C10orf90: variants seen among roughly 807,000 people sequenced by gnomAD.
C10orf90 encodes chromosome 10 open reading frame 90, also known as (E2-independent) E3 ubiquitin-conjugating enzyme FATS.
A neutral mutation model predicts 62.5 loss-of-function variants in C10orf90; 56 were observed. That is an observed-to-expected ratio of 0.90 (90% confidence interval 0.72 to 1.12). The LOEUF (loss-of-function observed/expected upper bound fraction) is 1.12, where lower values mean the gene tolerates loss of function less well. Ranked by LOEUF, C10orf90 falls within the 50% of genes most tolerant of loss-of-function variation. C10orf90 has a pLI of 0.00. For missense variants in C10orf90, 970 were observed against 880.4 expected (o/e 1.10, Z -1.29); for synonymous variants, 386 against 340.4 (o/e 1.13, Z -1.47).
rs186552141 is a variant in C10orf90, at chr10:126,641,754, T to C, written c.313+4811A>G. On this transcript the variant is annotated intron_variant, in intron 2 of 9. Coordinates refer to ENST00000488181, the MANE Select transcript of C10orf90 (RefSeq NM_001350921.2). ...CTCTCTCTGATTTTAAAAGCAGATG[T>C]GAGTTTGGACAGAATAGTCACCCTT... is the stretch of plus-strand genomic sequence containing the variant. 2.4e-3 allele frequency among the ~76,000 whole-genome samples: 368 copies of C among 152,234 alleles called. 1 individual carries two copies. The highest frequency in any genetic ancestry group is 8.3e-3 in the African/African-American group (343 of 41,520).
chr10:126,552,074 A>G (rs1395412420), intron 2 of C10orf90, among the ~76,000 whole-genome samples: 1 of 152,200 alleles, frequency 6.6e-6, no homozygotes, highest in Non-Finnish European at 1.5e-5. Flanking sequence ...GGGGTGGAGA[A>G]ACTTGGGGTA....
intron 9 of C10orf90, 22 bp from the exon 10 acceptor site, chr10:126,425,924 G>A (rs1314480686): frequency 7.4e-6 from 12 of 1,614,130 alleles, no homozygotes; most frequent in Non-Finnish European, 1.0e-5. Flanking sequence ...GGGAAACAAA[G>A]ATGTCAAGTT....
intron 2 of C10orf90, among the ~76,000 whole-genome samples, chr10:126,626,929 A>G (rs947514228): frequency 1.3e-5 from 2 of 152,180 alleles, no homozygotes; most frequent in Admixed American, 1.3e-4. Context: ...GCTAAATTCA[A>G]AGAGGGCTCA....
At position 126,600,036 on chromosome 10, in the gene C10orf90, G is replaced by A. The variant is rs11245058; in HGVS notation, c.313+46529C>T. ...TTGGCCACTGTAGTCCAATTATTTCGATTAAAGCAGAGAGGGCTCAGTTAA... is the reference window on the plus strand; with the variant it reads ...TTGGCCACTGTAGTCCAATTATTTCAATTAAAGCAGAGAGGGCTCAGTTAA... On this transcript the variant is annotated intron_variant, in intron 2 of 9. Transcript: ENST00000488181. Among the ~76,000 whole-genome samples the A allele has an allele frequency of 5.9e-5, 9 of 152,328 alleles. No individual in the cohort carries two copies. In the East Asian group the frequency reaches 1.2e-3, roughly 20 times the overall value.
At chr10:126,588,638 C>A (rs943514485) in intron 2 of C10orf90, among the ~76,000 whole-genome samples, 1 of 151,960 alleles carries the variant, frequency 6.6e-6, no homozygotes, top group African/African-American at 2.4e-5. Context: ...CAAAACAAAA[C>A]AAAAAACAGA....
intron 2 of C10orf90, among the ~76,000 whole-genome samples, chr10:126,565,308 T>C (rs1236916469): frequency 3.2e-5 from 2 of 61,944 alleles, no homozygotes; most frequent in African/African-American, 7.2e-5. Context: ...TATTATATAT[T>C]ATATTATATA....
chr10:126,517,410 A>G (rs1331843915), intron 2 of C10orf90, among the ~76,000 whole-genome samples: 1 of 152,220 alleles, frequency 6.6e-6, no homozygotes, highest in Non-Finnish European at 1.5e-5. Flanking sequence ...TACACACTAA[A>G]TAGGGCTTTG....
At chr10:126,558,561 G>C (rs1325478715) in intron 2 of C10orf90, among the ~76,000 whole-genome samples, 2 of 152,192 alleles carry the variant, frequency 1.3e-5, no homozygotes, top group East Asian at 3.8e-4. Context: ...GGCAATGTTA[G>C]CCACGGGTCC....
chr10:126,470,361 GA>G (rs1860515547), intron 4 of C10orf90, among the ~76,000 whole-genome samples: 1 of 152,186 alleles, frequency 6.6e-6, no homozygotes, highest in Admixed American at 6.5e-5. Context: ...AAAGGAGAGA[GA>G]AAACCCAAAA....
At chr10:126,559,577 T>C (rs1864855721) in intron 2 of C10orf90, among the ~76,000 whole-genome samples, 1 of 152,210 alleles carries the variant, frequency 6.6e-6, no homozygotes, top group South Asian at 2.1e-4. Flanking sequence ...CACCAACCCC[T>C]GACCCTCCCT....
chr10:126,580,040 A>G (rs1844713386), intron 2 of C10orf90, among the ~76,000 whole-genome samples: 2 of 151,564 alleles, frequency 1.3e-5, no homozygotes, highest in Admixed American at 1.3e-4. Context: ...TGCTATGAGA[A>G]CTCACCTCTC....
intron 4 of C10orf90, among the ~76,000 whole-genome samples, chr10:126,488,883 T>C (rs1477431936): frequency 1.3e-5 from 2 of 152,000 alleles, no homozygotes; most frequent in Non-Finnish European, 2.9e-5. Flanking sequence ...AAAAATTGAA[T>C]TCATAATTAA....
At chr10:126,573,335 T>A (rs1277822972) in intron 2 of C10orf90, among the ~76,000 whole-genome samples, 2 of 152,174 alleles carry the variant, frequency 1.3e-5, no homozygotes, top group African/African-American at 4.8e-5. Context: ...ACCGATTAGG[T>A]CAGGGCTCGA....
intron 2 of C10orf90, among the ~76,000 whole-genome samples, chr10:126,602,678 A>G (rs1454819375): frequency 6.6e-6 from 1 of 151,962 alleles, no homozygotes; most frequent in Non-Finnish European, 1.5e-5. Flanking sequence ...CTCTGATAGT[A>G]GAGGCAATTT....
intron 2 of C10orf90, among the ~76,000 whole-genome samples, chr10:126,561,637 A>G (rs989818331): frequency 6.6e-6 from 1 of 152,152 alleles, no homozygotes; most frequent in Non-Finnish European, 1.5e-5. Flanking sequence ...TTTGGATGTG[A>G]CTGAGAAATG....
rs1354655012 is a variant in C10orf90 at position 126,513,899 on chromosome 10, G to A, written c.354C>T (p.Ala118=). The A allele has an allele frequency of 1.2e-6, 2 of 1,613,118 alleles. No homozygotes were observed. The highest frequency in any genetic ancestry group is 1.3e-5 in the African/African-American group (1 of 74,856). The part of the protein sequence containing the change: ...DSYHSRRDQI[A]LKNLQSDVTE... ...TGACATCAGACTGGAGATTTTTAAG[G>A]GCAATTTGATCTCTTCTACTGTGGT... The change falls in exon 3 of 10, where the codon GCC becomes GCT. Residue 118 remains alanine, a synonymous_variant. Coordinates refer to ENST00000488181, the MANE Select transcript of C10orf90 (RefSeq NM_001350921.2).
At chr10:126,437,537 G>A (rs1213582353) in intron 7 of C10orf90, among the ~76,000 whole-genome samples, 1 of 152,102 alleles carries the variant, frequency 6.6e-6, no homozygotes, top group African/African-American at 2.4e-5. Context: ...ATCCCTACAT[G>A]GGTTTTGAGG....
Position 126,504,279 on chromosome 10 carries a change from A to G in C10orf90, c.1212T>C (p.Asp404=), listed in dbSNP as rs199768524. The change falls in exon 4 of 10, where the codon GAT becomes GAC. Residue 404 remains aspartate (D), a synonymous_variant. Transcript: ENST00000488181. This position sits in a 1 kb window ranked among gnomAD's most constrained non-coding sequence, Gnocchi z 4.1. ...TTATTGGCTCTCTGTTCACTAGGCC[A>G]TCTACTCCATCTGCTGTTAATCTGT... ...SSHRLTADGV[D]GLVNREPISE... is the part of the protein sequence containing the mutation. 515 of 1,614,076 alleles carry G rather than the reference A, an allele frequency of 3.2e-4. 2 individuals carry two copies. Among genetic ancestry groups the G allele is most frequent in the Admixed American group, 1.0e-4 (6 of 60,002 alleles).
intron 2 of C10orf90, chr10:126,520,488 C>T: frequency 6.6e-6 from 1 of 152,422 alleles, no homozygotes; most frequent in Non-Finnish European, 1.5e-5. Context: ...GTGCTGCCTT[C>T]ACCTTTTCCC....
Sources: gnomAD v4.1 joint callset for allele counts (sites outside exome capture counted in the v4.1 genomes callset) on GRCh38, gnomAD v4.1.1 for gene constraint, Gnocchi (gnomAD v3.1) non-coding constraint, MANE v1.5 for transcripts, NCBI Gene and HGNC (gene_info 2026-07-23, HGNC 2026-07-21) for gene names.